The following ZFHX3 variants were observed in gnomAD, a reference collection of about 807,000 sequenced individuals.
The protein encoded by ZFHX3 is zinc finger homeobox protein 3.
Under a neutral mutation model 279.1 loss-of-function variants are expected in ZFHX3, and 42 were observed. The observed-to-expected ratio is 0.15, with a 90% CI of 0.12 to 0.19. The LOEUF (loss-of-function observed/expected upper bound fraction) is 0.19, where lower values mean the gene tolerates loss of function less well. Ranked by LOEUF, ZFHX3 falls within the 10% of genes least tolerant of loss-of-function variation. The pLI, the probability that ZFHX3 is intolerant of heterozygous loss-of-function variation, is 1.00. For missense variants in ZFHX3, 4,981 were observed against 4,754.0 expected (o/e 1.05, Z -1.40); for synonymous variants, 2,293 against 1,957.8 (o/e 1.17, Z -4.52).
intron 7 of ZFHX3, chr16:73,127,131 G>T (rs1966582520): frequency 3.2e-6 from 1 of 314,454 alleles, no homozygotes; most frequent in South Asian, 2.7e-5. Flanking sequence ...GTAAAAGTAG[G>T]TGTTTATCTC....
intron 3 of ZFHX3, among the ~76,000 whole-genome samples, chr16:73,441,275 G>A (rs994659021): frequency 2.0e-5 from 3 of 151,872 alleles, no homozygotes; most frequent in African/African-American, 7.3e-5. Context: ...AAAAATAAAG[G>A]GTATAATAAT....
intron 5 of ZFHX3, among the ~76,000 whole-genome samples, chr16:73,168,841 C>G (rs1224986489): frequency 6.6e-6 from 1 of 152,194 alleles, no homozygotes; most frequent in Non-Finnish European, 1.5e-5. Context: ...TGCTCCCTTT[C>G]AAGTCACCTC....
At chr16:73,037,432 G>A (rs546438536) in intron 1 of ZFHX3, among the ~76,000 whole-genome samples, 2 of 152,302 alleles carry the variant, frequency 1.3e-5, no homozygotes, top group African/African-American at 4.8e-5. Context: ...CTGCCACCCA[G>A]GGCTGTTCTG....
chr16:73,012,635 G>A (rs943788101), intron 1 of ZFHX3, among the ~76,000 whole-genome samples: 10 of 152,156 alleles, frequency 6.6e-5, no homozygotes, highest in African/African-American at 2.4e-4. Context: ...AATCTAGGCA[G>A]CTGGAGATGA....
chr16:73,718,195 G>C (rs953763772), intron 1 of ZFHX3, among the ~76,000 whole-genome samples: 23 of 152,190 alleles, frequency 1.5e-4, no homozygotes, highest in Admixed American at 3.3e-4. Context: ...TAGATGACTT[G>C]AGGCCAGGAA....
At chr16:73,171,683 T>C (rs916690364) in intron 5 of ZFHX3, among the ~76,000 whole-genome samples, 2 of 152,196 alleles carry the variant, frequency 1.3e-5, no homozygotes, top group South Asian at 2.1e-4. Context: ...TGAGGGGGAA[T>C]GTTAAGCAGT....
intron 5 of ZFHX3, among the ~76,000 whole-genome samples, chr16:73,161,389 A>G (rs1967231609): frequency 6.6e-6 from 1 of 152,188 alleles, no homozygotes; most frequent in Non-Finnish European, 1.5e-5. Flanking sequence ...TTAGAGTCTC[A>G]GTCGCTCAAC....
intron 3 of ZFHX3, chr16:73,402,564 C>T (rs1409023071): frequency 6.6e-6 from 1 of 152,150 alleles, no homozygotes; most frequent in Non-Finnish European, 1.5e-5. Context: ...GTTAACAGAC[C>T]AGGAACGACC....
At chr16:73,886,461 CT>C (rs2030349587) in intron 1 of ZFHX3, among the ~76,000 whole-genome samples, 1 of 152,176 alleles carries the variant, frequency 6.6e-6, no homozygotes, top group Admixed American at 6.5e-5. Flanking sequence ...GACAGACGGA[CT>C]TTAATAACAC....
At chr16:73,478,383 T>C (rs760111321) in intron 2 of ZFHX3, among the ~76,000 whole-genome samples, 4 of 151,950 alleles carry the variant, frequency 2.6e-5, no homozygotes, top group African/African-American at 7.3e-5. Context: ...AACTGAGCTA[T>C]CCAGGCTTCT....
intron 1 of ZFHX3, among the ~76,000 whole-genome samples, chr16:73,835,332 C>A (rs1961109696): frequency 6.6e-6 from 1 of 151,972 alleles, no homozygotes; most frequent in Non-Finnish European, 1.5e-5. Context: ...GAGTTGATAC[C>A]CTCCAGGTAG....
chr16:73,508,465 G>A, intron 2 of ZFHX3, among the ~76,000 whole-genome samples: 1 of 152,184 alleles, frequency 6.6e-6, no homozygotes, highest in East Asian at 1.9e-4. Flanking sequence ...CCATGCCAGT[G>A]AAAGGATATT....
chr16:73,468,778 T>C (rs1327976580), intron 2 of ZFHX3, among the ~76,000 whole-genome samples: 1 of 151,970 alleles, frequency 6.6e-6, no homozygotes, highest in Non-Finnish European at 1.5e-5. Flanking sequence ...GGAGAAAAGA[T>C]TTGAGTTTTT....
In ZFHX3 at chr16:72,784,863, C is replaced by CTATT. The variant is rs2035290602; in HGVS notation, c.*2297_*2300dup. Reference sequence around the variant, plus strand: ...AATATGTACAACATTTCAGGATCTACTATTTCATTAAACTAAAAACAAATT... The same window carrying CTATT: ...AATATGTACAACATTTCAGGATCTACTATTTATTTCATTAAACTAAAAACAAATT... On this transcript the variant is annotated 3_prime_UTR_variant, in exon 10 of 10. Coordinates refer to ENST00000268489, the MANE Select transcript of ZFHX3 (RefSeq NM_006885.4). The CTATT allele has an allele frequency of 6.6e-6, 1 of 152,336 alleles. No homozygotes were observed. The highest frequency in any genetic ancestry group is 2.1e-4 in the South Asian group (1 of 4,812). The allele number at this position is 152,336 out of a possible 1,614,324, so 9.4% of individuals were successfully genotyped here.
At chr16:72,901,957 C>T (rs551022865) in intron 3 of ZFHX3, among the ~76,000 whole-genome samples, 7 of 152,314 alleles carry the variant, frequency 4.6e-5, no homozygotes, top group African/African-American at 1.7e-4. Context: ...ATTGTTCCGC[C>T]TCAAGATGGA....
At chr16:72,811,354 A>C (rs2036439920) in intron 7 of ZFHX3, among the ~76,000 whole-genome samples, 1 of 152,150 alleles carries the variant, frequency 6.6e-6, no homozygotes, top group African/African-American at 2.4e-5. Context: ...GGCAGAGAGG[A>C]TGATAAGGGA....
At chr16:72,968,547 G>A (rs995914050) in intron 1 of ZFHX3, among the ~76,000 whole-genome samples, 1 of 147,532 alleles carries the variant, frequency 6.8e-6, no homozygotes, top group Non-Finnish European at 1.5e-5. Flanking sequence ...TACAACCTCT[G>A]TCGCCCAGGT....
chr16:73,017,226 C>A (rs1424361768), intron 1 of ZFHX3, among the ~76,000 whole-genome samples: 1 of 149,658 alleles, frequency 6.7e-6, no homozygotes, highest in African/African-American at 2.5e-5. Context: ...CTGCAAGACT[C>A]CCATCTCGAA....
exon 1 of ZFHX3, chr16:73,058,583 G>T (rs1023330240): frequency 9.0e-5 from 22 of 245,398 alleles, no homozygotes; most frequent in Middle Eastern, 2.5e-3. Flanking sequence ...CGACGGCGGC[G>T]GCGGCGGGAG....
Sources: allele counts gnomAD v4.1 joint callset (sites outside exome capture counted in the v4.1 genomes callset), GRCh38; gene constraint gnomAD v4.1.1; transcripts MANE v1.5; gene names NCBI Gene and HGNC (gene_info 2026-07-23, HGNC 2026-07-21).